The following SBNO1 variants were observed in gnomAD, a reference collection of about 807,000 sequenced individuals.
SBNO1 encodes the protein strawberry notch homolog 1, also known as protein strawberry notch homolog 1.
In SBNO1, 23 loss-of-function variants were observed where a neutral mutation model predicts 173.6. The ratio of observed to expected loss-of-function variants is 0.13; its 90% CI spans 0.10 to 0.19. The LOEUF (loss-of-function observed/expected upper bound fraction) is 0.19, where lower values mean the gene tolerates loss of function less well. Among genes scored for constraint, SBNO1 ranks in the 10% least tolerant of loss-of-function variants. SBNO1 has a pLI of 1.00. For missense variants in SBNO1, 1,238 were observed against 1,671.2 expected (o/e 0.74, Z 4.52); for synonymous variants, 632 against 571.5 (o/e 1.11, Z -1.51).
At chr12:123,342,557 T>C (rs1872690904) in intron 4 of SBNO1, among the ~76,000 whole-genome samples, 1 of 152,248 alleles carries the variant, frequency 6.6e-6, no homozygotes, top group African/African-American at 2.4e-5. Context: ...TAATTATTTC[T>C]AGAAGAAGAA....
chr12:123,313,855 G>A (rs533874762), intron 23 of SBNO1, 136 bp from the exon 24 acceptor site: 12 of 524,456 alleles, frequency 2.3e-5, no homozygotes, highest in Non-Finnish European at 3.1e-5. Context: ...TTGGGAGGTC[G>A]AGGTGGGTGG....
At chr12:123,317,947 G>GT (rs1255893073) in intron 20 of SBNO1, among the ~76,000 whole-genome samples, 21 of 152,076 alleles carry the variant, frequency 1.4e-4, no homozygotes, top group African/African-American at 5.1e-4. Flanking sequence ...TTGAAAATAC[G>GT]TAACATTATC....
chr12:123,318,554 G>A (rs1396996939), intron 20 of SBNO1, among the ~76,000 whole-genome samples: 2 of 151,796 alleles, frequency 1.3e-5, no homozygotes, highest in Non-Finnish European at 2.9e-5. Context: ...TCAATATGGT[G>A]AAACCTGTCT....
At chr12:123,296,083 GTC>G (rs1315826117) in intron 31 of SBNO1, 33 bp from the exon 32 acceptor site, 1 of 1,471,278 alleles carries the variant, frequency 6.8e-7, no homozygotes, top group Admixed American at 1.7e-5. Context: ...ATCAAGTTGT[GTC>G]CAGAAGAAAC....
intron 28 of SBNO1, 48 bp from the exon 29 acceptor site, chr12:123,304,767 T>C (rs1361058351): frequency 1.6e-6 from 2 of 1,215,594 alleles, no homozygotes; most frequent in Non-Finnish European, 2.4e-6. Flanking sequence ...ATACACACTT[T>C]AAGACATGTT....
Position 123,295,372 on chromosome 12 carries a change from T to A in SBNO1, c.*536A>T, listed in dbSNP as rs554592204. 6.6e-6 allele frequency: 1 copy of A among 152,258 alleles called. No individual in the cohort carries two copies. The highest frequency in any genetic ancestry group is 2.4e-5 in the African/African-American group (1 of 41,530). 9.4% of individuals were successfully genotyped at this position (152,258 alleles called of 1,614,324 possible). ...CACTGTCAGAACAAAAATTAGAAAA[T>A]AACCTGAATGCATGATATGCAACCT... On this transcript the variant is annotated 3_prime_UTR_variant, in exon 32 of 32. Coordinates refer to ENST00000602398, the MANE Select transcript of SBNO1 (RefSeq NM_001167856.3).
At chr12:123,311,466 C>T (rs922591032) in intron 24 of SBNO1, among the ~76,000 whole-genome samples, 12 of 152,022 alleles carry the variant, frequency 7.9e-5, no homozygotes, top group Admixed American at 2.0e-4. Flanking sequence ...CTCTGCCTCA[C>T]GGGTTCAAGC....
intron 1 of SBNO1, among the ~76,000 whole-genome samples, chr12:123,358,222 T>C (rs909647208): frequency 6.6e-6 from 1 of 152,258 alleles, no homozygotes; most frequent in Admixed American, 6.5e-5. Context: ...AAACAAAGTT[T>C]TGACTGCATT....
chr12:123,328,688 T>G, intron 10 of SBNO1, 46 bp downstream of exon 10: 1 of 1,394,350 alleles, frequency 7.2e-7, no homozygotes, highest in Non-Finnish European at 9.5e-7. Context: ...CCTTTTATAA[T>G]TTTCTTGTCG....
rs373428033 is a variant in SBNO1 at position 123,323,636 on chromosome 12, G to A, written c.2125+44C>T. On this transcript the variant is annotated intron_variant, in intron 16 of 31. Coordinates refer to ENST00000602398, the MANE Select transcript of SBNO1 (RefSeq NM_001167856.3). ...CCCAAAGTGCTGGGATTACAGGTGT[G>A]AGCCACCGCACCTGGCCTATTTTTT... 572 of 1,505,588 alleles carry A rather than the reference G, an allele frequency of 3.8e-4. 1 individual carries two copies. The highest frequency in any genetic ancestry group is 1.2e-3 in the South Asian group (95 of 81,096). 93.3% of individuals were successfully genotyped at this position (1,505,588 alleles called of 1,614,324 possible).
chr12:123,353,169 A>G (rs1874078432), intron 1 of SBNO1, among the ~76,000 whole-genome samples: 1 of 152,192 alleles, frequency 6.6e-6, no homozygotes, highest in East Asian at 1.9e-4. Context: ...CATTTTGGGC[A>G]GGGAGTGAGG....
At chr12:123,328,088 CAAG>C in intron 10 of SBNO1, 61 bp from the exon 11 acceptor site, 8 of 1,327,466 alleles carry the variant, frequency 6.0e-6, no homozygotes, top group Non-Finnish European at 8.4e-6. Context: ...TCCAGTCTTT[CAAG>C]AAGAGTTAAC....
chr12:123,293,486 G>A lies in SBNO1; in HGVS notation c.*2422C>T, dbSNP rs1454221756. 6.6e-6 allele frequency: 1 copy of A among 152,080 alleles called. No individual in the cohort carries two copies. The highest frequency in any genetic ancestry group is 1.9e-4 in the East Asian group (1 of 5,194). 9.4% of individuals were successfully genotyped at this position (152,080 alleles called of 1,614,324 possible). A position where few individuals can be genotyped will look rare whatever the true frequency, so the allele number is the denominator to read the frequency against. On this transcript the variant is annotated 3_prime_UTR_variant, in exon 32 of 32. Coordinates refer to ENST00000602398, the MANE Select transcript of SBNO1 (RefSeq NM_001167856.3). ...CGGATGTCCACCTGAAGAAGGGGTG[G>A]GTGCAACTCTCTGGGTGCTGCACAC...
intron 3 of SBNO1, among the ~76,000 whole-genome samples, chr12:123,346,017 T>TA (rs1873089547): frequency 6.6e-6 from 1 of 152,198 alleles, no homozygotes; most frequent in African/African-American, 2.4e-5. Context: ...ATTACCAAGT[T>TA]AAACGGACAA....
chr12:123,307,264 A>G (rs1167488998), intron 28 of SBNO1, among the ~76,000 whole-genome samples: 1 of 152,078 alleles, frequency 6.6e-6, no homozygotes, highest in Non-Finnish European at 1.5e-5. Flanking sequence ...GCTTTTCTCT[A>G]GGTCAAGGAT....
chr12:123,349,304 G>A (rs1033587799), intron 2 of SBNO1, among the ~76,000 whole-genome samples: 6 of 151,882 alleles, frequency 4.0e-5, no homozygotes, highest in Non-Finnish European at 7.4e-5. Flanking sequence ...GTCTTGCTAC[G>A]TTGCCCAGGC....
rs1174790952 is a variant in SBNO1, at chr12:123,328,871, T to G, written c.1159A>C (p.Lys387Gln). 1 of 1,571,172 alleles carries G rather than the reference T, an allele frequency of 6.4e-7. No homozygotes were observed. Among genetic ancestry groups the G allele is most frequent in the East Asian group, 2.2e-5 (1 of 44,458 alleles). ...CCCTTTTTCACACTCCCATTATGTT[T>G]GGAAGAAATTTTTCCGTATTTAAAC... ...NKFKYGKISS[K>Q]HNGSVKKGVI... Residue 387 changes from lysine to glutamine, a missense_variant, in exon 10 of 32, where the codon AAA (lysine) becomes CAA (glutamine). By Grantham distance (53) the Lys-to-Gln change is moderately conservative (BLOSUM62 1). This residue lies in a region of SBNO1 where 56 missense variants were observed against 65.1 expected (regional missense o/e 0.86). Coordinates refer to ENST00000602398, the MANE Select transcript of SBNO1 (RefSeq NM_001167856.3).
intron 5 of SBNO1, among the ~76,000 whole-genome samples, chr12:123,337,127 G>A (rs978021771): frequency 6.6e-6 from 1 of 152,104 alleles, no homozygotes; most frequent in African/African-American, 2.4e-5. Flanking sequence ...TATATAAGAT[G>A]GCCATATAAT....
intron 31 of SBNO1, among the ~76,000 whole-genome samples, 200 bp downstream of exon 31, chr12:123,297,778 A>G (rs1000443070): frequency 1.3e-5 from 2 of 152,218 alleles, no homozygotes; most frequent in African/African-American, 2.4e-5. Flanking sequence ...TGACCACATC[A>G]TAACTTCAAC....
Sources: gnomAD v4.1 joint callset for allele counts (sites outside exome capture counted in the v4.1 genomes callset) on GRCh38, gnomAD v4.1.1 for gene constraint, gnomAD v4.1.1 regional missense constraint, MANE v1.5 for transcripts, NCBI Gene and HGNC (gene_info 2026-07-23, HGNC 2026-07-21) for gene names.